Variants in LAMB3 observed in about 807,000 individuals in gnomAD.
LAMB3 encodes the protein laminin subunit beta 3, also known as laminin subunit beta-3.
In LAMB3, 104 loss-of-function variants were observed where a neutral mutation model predicts 140.3. That is an observed-to-expected ratio of 0.74 (90% CI 0.63 to 0.87). The LOEUF (loss-of-function observed/expected upper bound fraction) is 0.87. LAMB3 is among the 40% of genes least tolerant of loss of function. The pLI, the probability that LAMB3 is intolerant of heterozygous loss-of-function variation, is 0.00. For synonymous variants in LAMB3, 592 were observed against 602.9 expected (o/e 0.98, Z 0.26); for missense variants, 1,531 against 1,575.2 (o/e 0.97, Z 0.47).
At position 209,627,627 on chromosome 1, in the gene LAMB3, T is replaced by G. The variant is rs1198213627; in HGVS notation, c.1289-48A>C. On this transcript the variant is annotated intron_variant, in intron 11 of 22. Transcript: ENST00000356082. ...CTCAGGCAGACGCTCCATGAAAAAC[T>G]CACCCCCAGAGGACACACATCCAGG... The G allele has an allele frequency of 2.5e-6, 4 of 1,579,634 alleles. No individual in the cohort carries two copies. In the African/African-American group the frequency reaches 4.0e-5, roughly 16 times the overall value.
At chr1:209,633,341 C>A (rs1160298210) in intron 6 of LAMB3, among the ~76,000 whole-genome samples, 1 of 152,034 alleles carries the variant, frequency 6.6e-6, no homozygotes, top group Non-Finnish European at 1.5e-5. Flanking sequence ...GTGTACCCCA[C>A]CCCCAACCCC....
rs1420584028 is a variant in LAMB3 at position 209,618,007 on chromosome 1, A to G, written c.2951T>C (p.Val984Ala). The change falls in exon 20 of 23, where the codon GTT (valine) becomes GCT (alanine). Residue 984 changes from valine (V) to alanine (A), a missense_variant. Transcript: ENST00000356082. ...CACTGTCCCCTGCCGCAGGTTCCCAACCACATCTTCCACCTGGCCCTCCAC... is the reference window on the plus strand; with the variant it reads ...CACTGTCCCCTGCCGCAGGTTCCCAGCCACATCTTCCACCTGGCCCTCCAC... ...HAVEGQVEDVVGNLRQGTVAL... is the reference protein window; with the variant it reads ...HAVEGQVEDVAGNLRQGTVAL... 2 of 1,614,000 alleles carry G rather than the reference A, an allele frequency of 1.2e-6. No homozygotes were observed. The highest frequency in any genetic ancestry group is 8.5e-7 in the Non-Finnish European group (1 of 1,180,038).
At chr1:209,627,295 G>C (rs772676187) in intron 12 of LAMB3, 88 bp downstream of exon 12, 1 of 1,131,142 alleles carries the variant, frequency 8.8e-7, no homozygotes, top group Non-Finnish European at 1.3e-6. Context: ...GAGAGGCCTA[G>C]AAGGGCAGCA....
At chr1:209,649,219 A>G (rs1165230472) in intron 3 of LAMB3, among the ~76,000 whole-genome samples, 1 of 152,248 alleles carries the variant, frequency 6.6e-6, no homozygotes, top group Non-Finnish European at 1.5e-5. Flanking sequence ...AGGCTACAGC[A>G]ACTCGGGACA....
At chr1:209,649,576 C>G (rs914374868) in intron 3 of LAMB3, among the ~76,000 whole-genome samples, 1 of 152,174 alleles carries the variant, frequency 6.6e-6, no homozygotes, top group Admixed American at 6.5e-5. Flanking sequence ...ATGGCAAGAA[C>G]ACAGTTCGGC....
rs200736613 is a variant in LAMB3 at position 209,645,718 on chromosome 1, A to AG, written c.183+4245dup. Among the ~76,000 whole-genome samples the AG allele has an allele frequency of 7.4e-3, 796 of 107,904 alleles. 6 individuals are homozygous for AG. Among genetic ancestry groups the AG allele is most frequent in the Non-Finnish European group, 0.01 (576 of 55,006 alleles). 70.8% of individuals were successfully genotyped at this position (107,904 alleles called of 152,430 possible). On this transcript the variant is annotated intron_variant, in intron 3 of 22. Transcript: ENST00000356082. Reference sequence around the variant, plus strand: ...GTGGCAGAGCAAGACTCTGTGTCCCAGGGGAAAAAAAAAAAAAAAAGCAGA... The same window carrying AG: ...GTGGCAGAGCAAGACTCTGTGTCCCAGGGGGAAAAAAAAAAAAAAAAGCAGA...
rs149360787 is a variant in LAMB3 at position 209,629,799 on chromosome 1, C to T, written c.1070G>A (p.Arg357Gln). Residue 357 changes from arginine to glutamine, a missense_variant, in exon 10 of 23, where the codon CGG (arginine) becomes CAG (glutamine). Coordinates refer to ENST00000356082, the MANE Select transcript of LAMB3 (RefSeq NM_000228.3). Reference sequence around the variant, plus strand: ...GTTCCGGAAATAGTGCAGCTGACACCGCTCACAGTTCTTGCCTTCGGTGTG... The same window carrying T: ...GTTCCGGAAATAGTGCAGCTGACACTGCTCACAGTTCTTGCCTTCGGTGTG... ...RDHTEGKNCE[R>Q]CQLHYFRNRR... 1.3e-5 allele frequency: 21 copies of T among 1,614,074 alleles called. No individual in the cohort carries two copies. The highest frequency in any genetic ancestry group is 2.2e-5 in the East Asian group (1 of 44,898).
rs751403505 is a variant in LAMB3 at position 209,615,284 on chromosome 1, G to A, written c.3506C>T (p.Ala1169Val). Residue 1169 changes from alanine (A) to valine (V), a missense_variant, in exon 23 of 23, where the codon GCC becomes GTC. Transcript: ENST00000356082. ...DHINGRVLYY[A>V]TCK ...GAAGCTGTAGCATCACTTGCAGGTG[G>A]CATAGTAGAGCACGCGCCCATTGAT... The A allele has an allele frequency of 3.1e-6, 5 of 1,614,124 alleles. No homozygotes were observed. Among genetic ancestry groups the A allele is most frequent in the Non-Finnish European group, 4.2e-6 (5 of 1,180,022 alleles).
chr1:209,627,659 C>A, intron 11 of LAMB3, 80 bp from the exon 12 acceptor site: 2 of 1,350,606 alleles, frequency 1.5e-6, no homozygotes, highest in Non-Finnish European at 1.0e-6. Context: ...CAGGGAGGGG[C>A]GCTGCCTGGG....
Position 209,627,532 on chromosome 1 carries a change from C to T in LAMB3, c.1336G>A (p.Glu446Lys), listed in dbSNP as rs749069550. The T allele has an allele frequency of 1.2e-5, 20 of 1,613,946 alleles. No individual in the cohort carries two copies. The Admixed American group carries it at 2.2e-4, about 17-fold the overall frequency. ...LGSRRDMPCD[E>K]ESGRCLCLPN... ...AGACAAAGGCAGCGCCCACTCTCCTCGTCACACGGCATGTCCCTCCGGGAC... is the reference window on the plus strand; with the variant it reads ...AGACAAAGGCAGCGCCCACTCTCCTTGTCACACGGCATGTCCCTCCGGGAC... Residue 446 changes from glutamate (E) to lysine (K), a missense_variant, in exon 12 of 23, where the codon GAG becomes AAG. Transcript: ENST00000356082.
At position 209,628,053 on chromosome 1, in the gene LAMB3, T is replaced by G; in HGVS notation, c.1270A>C (p.Asn424His). The stretch of plus-strand genomic sequence containing the variant: ...TACTCACGGTGGCAGCCCTGCGGGT[T>G]GGCGTAGGTGAGTCCAGTGAAGCCC... ...KPGFTGLTYA[N>H]PQGCHRCDCN... Residue 424 changes from asparagine (N) to histidine (H), a missense_variant, in exon 11 of 23, where the codon AAC (asparagine) becomes CAC (histidine). Asn to His is a moderately conservative substitution (Grantham distance 68, BLOSUM62 1). Transcript: ENST00000356082. 1 of 1,606,512 alleles carries G rather than the reference T, an allele frequency of 6.2e-7. No homozygotes were observed. The highest frequency in any genetic ancestry group is 8.5e-7 in the Non-Finnish European group (1 of 1,176,338).
chr1:209,646,899 A>G (rs1384618619), intron 3 of LAMB3, among the ~76,000 whole-genome samples: 1 of 152,256 alleles, frequency 6.6e-6, no homozygotes, highest in Non-Finnish European at 1.5e-5. Flanking sequence ...AGCATCACAG[A>G]ATCACAGACA....
intron 10 of LAMB3, 112 bp from the exon 11 acceptor site, chr1:209,628,302 A>G (rs2102426406): frequency 8.2e-7 from 1 of 1,219,162 alleles, no homozygotes; most frequent in South Asian, 1.3e-5. Flanking sequence ...TGGATTTCAA[A>G]TTCACAGCCT....
At position 209,649,129 on chromosome 1, in the gene LAMB3, T is replaced by C. The variant is rs544516605; in HGVS notation, c.183+835A>G. Among the ~76,000 whole-genome samples, 7 of 152,278 alleles carry C rather than the reference T, an allele frequency of 4.6e-5. No individual in the cohort carries two copies. In the East Asian group the frequency reaches 1.4e-3, roughly 29 times the overall value. On this transcript the variant is annotated intron_variant, in intron 3 of 22. Transcript: ENST00000356082. ...GAAGGGCAGTGAGGCCCAGAGGCCA[T>C]ATCAGATACCACCTTCCACAGCCCA...
At chr1:209,638,952 A>C (rs1298641328) in intron 3 of LAMB3, among the ~76,000 whole-genome samples, 1 of 145,880 alleles carries the variant, frequency 6.9e-6, no homozygotes, top group Non-Finnish European at 1.5e-5. Context: ...CCTTGCAGAG[A>C]AACTTGAGAA....
intron 3 of LAMB3, 42 bp downstream of exon 3, chr1:209,649,922 C>T (rs373826275): frequency 2.1e-5 from 34 of 1,610,870 alleles, no homozygotes; most frequent in Middle Eastern, 1.6e-4. Flanking sequence ...TCACACACCC[C>T]TCCCATCCCG....
rs1188268746 is a variant in LAMB3 at position 209,623,021 on chromosome 1, C to T, written c.2517G>A (p.Leu839=). Residue 839 remains leucine, a synonymous_variant, in exon 17 of 23, where the codon CTG becomes CTA. Transcript: ENST00000356082. This position sits in a 1 kb window ranked among gnomAD's most constrained non-coding sequence, Gnocchi z 4.2. ...FLMAGQVAEQ[L]RGFNAQLQRT... Reference sequence around the variant, plus strand: ...GCTGGAGCTGGGCATTGAAGCCCCGCAGCTGCTCAGCCACCTGCCCCGCCA... The same window carrying T: ...GCTGGAGCTGGGCATTGAAGCCCCGTAGCTGCTCAGCCACCTGCCCCGCCA... The T allele has an allele frequency of 6.2e-7, 1 of 1,613,886 alleles. No homozygotes were observed. The highest frequency in any genetic ancestry group is 1.3e-5 in the African/African-American group (1 of 75,038).
rs758983287 is a variant in LAMB3, at chr1:209,637,938, G to A, written c.342C>T (p.Phe114=). Residue 114 remains phenylalanine (F), a synonymous_variant, in exon 5 of 23, where the codon TTC becomes TTT. Coordinates refer to ENST00000356082, the MANE Select transcript of LAMB3 (RefSeq NM_000228.3). ...ACTCCATCATGACTTCTTGAAGCTG[G>A]AATCTCCTGTCCAGGTCCAGCTGCA... ...VSLQLDLDRR[F]QLQEVMMEFQ... 1.1e-5 allele frequency: 18 copies of A among 1,613,160 alleles called. No homozygotes were observed. In the South Asian group the frequency reaches 1.5e-4, roughly 14 times the overall value.
rs183509078 is a variant in LAMB3, at chr1:209,634,609, C to T, written c.402G>A (p.Glu134=). 3.7e-6 allele frequency: 6 copies of T among 1,614,024 alleles called. No individual in the cohort carries two copies. The Admixed American group carries it at 6.7e-5, about 18-fold the overall frequency. ...AGGTCTTACCGAAGTCTGAGGAGCG[C>T]TCAATCAGCATGCCGGCGGGCATGG... ...QGPMPAGMLI[E]RSSDFGKTWR... Residue 134 remains glutamate (E), a synonymous_variant, in exon 6 of 23, where the codon GAG becomes GAA. Transcript: ENST00000356082.
Sources: allele counts gnomAD v4.1 joint callset (sites outside exome capture counted in the v4.1 genomes callset), GRCh38; gene constraint gnomAD v4.1.1; non-coding constraint Gnocchi (gnomAD v3.1); transcripts MANE v1.5; gene names NCBI Gene and HGNC (gene_info 2026-07-23, HGNC 2026-07-21).